Variants in QTMAN observed in about 807,000 individuals in gnomAD.
The protein encoded by QTMAN is tRNA-queuosine alpha-mannosyltransferase.
chr2:144,290,313 T>C, the QTMAN span, among the ~76,000 whole-genome samples: 1 of 152,158 alleles, frequency 6.6e-6, no homozygotes, highest in African/African-American at 2.4e-5. Flanking sequence ...TCTGTCATAA[T>C]ATCCCAATGT....
chr2:144,197,419 A>C, the QTMAN span, among the ~76,000 whole-genome samples: 7 of 152,048 alleles, frequency 4.6e-5, no homozygotes, highest in African/African-American at 1.7e-4. Context: ...TTTAAAGAAA[A>C]ATTTTAGAAC....
At chr2:144,281,219 C>T in the QTMAN span, among the ~76,000 whole-genome samples, 4 of 151,384 alleles carry the variant, frequency 2.6e-5, no homozygotes, top group Admixed American at 6.6e-5. Context: ...TTCAGAGAAG[C>T]GAAGAATTCT....
chr2:144,051,235 T>C, the QTMAN span, among the ~76,000 whole-genome samples: 2 of 152,142 alleles, frequency 1.3e-5, no homozygotes, highest in Non-Finnish European at 2.9e-5. Flanking sequence ...TATGCACATA[T>C]ATATAAGCTT....
chr2:144,307,154 C>T, the QTMAN span, among the ~76,000 whole-genome samples: 57 of 84,210 alleles, frequency 6.8e-4, no homozygotes, highest in Non-Finnish European at 1.1e-3. Context: ...AGCGAGACTC[C>T]GTCTTAAAAA....
At chr2:144,221,110 G>A in the QTMAN span, among the ~76,000 whole-genome samples, 1 of 152,208 alleles carries the variant, frequency 6.6e-6, no homozygotes, top group South Asian at 2.1e-4. Context: ...AATTAAAAAA[G>A]GACTGTTCTC....
chr2:144,065,589 A>C, the QTMAN span, among the ~76,000 whole-genome samples: 1 of 152,102 alleles, frequency 6.6e-6, no homozygotes, highest in Non-Finnish European at 1.5e-5. Flanking sequence ...TTTCAGACCC[A>C]GGGGTGGTAA....
the QTMAN span, among the ~76,000 whole-genome samples, chr2:144,188,827 T>C: frequency 1.3e-5 from 2 of 152,158 alleles, no homozygotes; most frequent in African/African-American, 2.4e-5. Flanking sequence ...ATTACTAATA[T>C]AAAACAACAA....
At chr2:144,054,523 T>C in the QTMAN span, among the ~76,000 whole-genome samples, 1 of 152,166 alleles carries the variant, frequency 6.6e-6, no homozygotes, top group South Asian at 2.1e-4. Context: ...CTTGTTAACA[T>C]GTATATTTTT....
the QTMAN span, among the ~76,000 whole-genome samples, chr2:144,078,935 AT>A: frequency 6.6e-6 from 1 of 152,058 alleles, no homozygotes; most frequent in African/African-American, 2.4e-5. Context: ...AAGATTGGCG[AT>A]TTGTTGAAGA....
the QTMAN span, among the ~76,000 whole-genome samples, chr2:144,172,621 CAAAAAA>C: frequency 1.9e-5 from 1 of 51,360 alleles, no homozygotes; most frequent in African/African-American, 5.8e-5. Flanking sequence ...AAGACTCTGT[CAAAAAA>C]AAAAAAAAAA....
chr2:144,128,183 T>C, the QTMAN span: 1 of 152,048 alleles, frequency 6.6e-6, no homozygotes, highest in East Asian at 1.9e-4. Context: ...TTGTACATAA[T>C]ACTGATTCAC....
At chr2:144,268,374 T>G in the QTMAN span, among the ~76,000 whole-genome samples, 1 of 152,126 alleles carries the variant, frequency 6.6e-6, no homozygotes, top group African/African-American at 2.4e-5. Context: ...TATTCCCTTA[T>G]AGCAATGCAC....
chr2:143,983,098 A>G, the QTMAN span, among the ~76,000 whole-genome samples: 4 of 152,206 alleles, frequency 2.6e-5, no homozygotes, highest in Admixed American at 6.5e-5. Context: ...AATAAAGCTT[A>G]GTTGAAAGAG....
At chr2:144,208,763 C>G in the QTMAN span, 1 of 1,613,054 alleles carries the variant, frequency 6.2e-7, no homozygotes, top group South Asian at 1.1e-5. Flanking sequence ...TAGAATGCTT[C>G]AATGATGAGG....
the QTMAN span, among the ~76,000 whole-genome samples, chr2:144,170,297 CCA>C: frequency 1.3e-5 from 2 of 152,162 alleles, no homozygotes; most frequent in Non-Finnish European, 2.9e-5. Context: ...AGTTAGCCTG[CCA>C]CAGTGTCCTG....
the QTMAN span, among the ~76,000 whole-genome samples, chr2:144,238,805 A>G: frequency 6.6e-6 from 1 of 152,198 alleles, no homozygotes; most frequent in East Asian, 1.9e-4. Flanking sequence ...TTGAATTACC[A>G]TAACTTGGCT....
the QTMAN span, among the ~76,000 whole-genome samples, chr2:144,180,326 G>A: frequency 3.9e-5 from 6 of 151,972 alleles, no homozygotes; most frequent in Admixed American, 3.3e-4. Flanking sequence ...TTTGGGAGTG[G>A]TTGTAATAGC....
At chr2:144,311,460 C>G in the QTMAN span, among the ~76,000 whole-genome samples, 2 of 152,100 alleles carry the variant, frequency 1.3e-5, no homozygotes, top group African/African-American at 4.8e-5. Context: ...AGACACATTG[C>G]GCATCACTAG....
the QTMAN span, among the ~76,000 whole-genome samples, chr2:144,001,320 A>C: frequency 6.6e-6 from 1 of 151,936 alleles, no homozygotes; most frequent in African/African-American, 2.4e-5. Context: ...AAAGTCGTTC[A>C]ATCTTATGGT....
Sources: allele counts gnomAD v4.1 joint callset (sites outside exome capture counted in the v4.1 genomes callset), GRCh38; gene constraint gnomAD v4.1.1; transcripts MANE v1.5; gene names NCBI Gene and HGNC (gene_info 2026-07-23, HGNC 2026-07-21).